PDE8A: variants seen among roughly 807,000 people sequenced by gnomAD.
The protein encoded by PDE8A is high affinity cAMP-specific and IBMX-insensitive 3',5'-cyclic phosphodiesterase 8A.
A neutral mutation model predicts 105.0 loss-of-function variants in PDE8A; 59 were observed. The observed-to-expected ratio is 0.56, with a 90% confidence interval of 0.46 to 0.70. PDE8A has a LOEUF of 0.70. Among genes scored for constraint, PDE8A ranks in the 30% least tolerant of loss-of-function variants. PDE8A has a pLI of 0.00. For synonymous variants in PDE8A, 355 were observed against 371.9 expected (o/e 0.95, Z 0.52); for missense variants, 1,014 against 1,045.9 (o/e 0.97, Z 0.42).
At chr15:85,041,760 C>G (rs2080812169) in intron 1 of PDE8A, among the ~76,000 whole-genome samples, 1 of 152,158 alleles carries the variant, frequency 6.6e-6, no homozygotes, top group Non-Finnish European at 1.5e-5. Context: ...TGGGCTGTTG[C>G]TGCTATTTGC....
chr15:85,133,866 C>G (rs1596551705), intron 20 of PDE8A, among the ~76,000 whole-genome samples: 1 of 152,206 alleles, frequency 6.6e-6, no homozygotes, highest in Non-Finnish European at 1.5e-5. Context: ...TTGTCTCTGG[C>G]TGGGGCTGCT....
intron 1 of PDE8A, among the ~76,000 whole-genome samples, chr15:85,058,647 G>C (rs2081099693): frequency 6.6e-6 from 1 of 152,074 alleles, no homozygotes; most frequent in Admixed American, 6.6e-5. Context: ...TGCGCTTCTA[G>C]GAATTTGTCC....
chr15:84,986,610 C>A (rs900165517), intron 1 of PDE8A, among the ~76,000 whole-genome samples: 8 of 119,370 alleles, frequency 6.7e-5, no homozygotes, highest in Non-Finnish European at 1.5e-4. Flanking sequence ...GTGGATTAGT[C>A]AAAACTTTTT....
intron 1 of PDE8A, among the ~76,000 whole-genome samples, chr15:85,027,352 G>T (rs1434647991): frequency 6.6e-6 from 1 of 152,192 alleles, no homozygotes; most frequent in African/African-American, 2.4e-5. Flanking sequence ...GGAAGCCCAA[G>T]AACTATTCAT....
intron 3 of PDE8A, among the ~76,000 whole-genome samples, chr15:85,071,385 C>G (rs913163705): frequency 1.3e-5 from 2 of 152,220 alleles, no homozygotes; most frequent in African/African-American, 4.8e-5. Flanking sequence ...GCCCCTGATT[C>G]TTTACTTTCT....
Position 85,113,467 on chromosome 15 carries a change from G to A in PDE8A, c.1185+20G>A. On this transcript the variant is annotated intron_variant, in intron 13 of 21. Coordinates refer to ENST00000394553, the MANE Select transcript of PDE8A (RefSeq NM_002605.3). ...ACCAAGGTGAAGCAGTTTGTGGTCT[G>A]TCTCCATTGAGCACACATACTCCTT... 1 of 1,596,224 alleles carries A rather than the reference G, an allele frequency of 6.3e-7. No homozygotes were observed. The highest frequency in any genetic ancestry group is 8.6e-7 in the Non-Finnish European group (1 of 1,163,664).
At chr15:85,009,880 C>A (rs1177116281) in intron 1 of PDE8A, among the ~76,000 whole-genome samples, 1 of 152,078 alleles carries the variant, frequency 6.6e-6, no homozygotes, top group Admixed American at 6.6e-5. Context: ...TAGAAATAAC[C>A]CCATAGTTCA....
chr15:85,096,211 G>C (rs1173862527), intron 8 of PDE8A, among the ~76,000 whole-genome samples: 2 of 152,098 alleles, frequency 1.3e-5, no homozygotes, highest in Non-Finnish European at 2.9e-5. Context: ...GATTGAATTG[G>C]TCCCTGTAAT....
chr15:85,091,605 C>G (rs1005312843), intron 8 of PDE8A, among the ~76,000 whole-genome samples: 1 of 152,180 alleles, frequency 6.6e-6, no homozygotes, highest in East Asian at 1.9e-4. Context: ...CTTCTGTTAG[C>G]CAGACACTGT....
At chr15:84,994,576 T>C (rs1292754927) in intron 1 of PDE8A, among the ~76,000 whole-genome samples, 1 of 152,210 alleles carries the variant, frequency 6.6e-6, no homozygotes, top group Admixed American at 6.5e-5. Context: ...ATGCCTGTAT[T>C]TTACATTAGC....
At chr15:85,076,809 A>G (rs2081386996) in intron 5 of PDE8A, 22 bp downstream of exon 5, 1 of 1,367,416 alleles carries the variant, frequency 7.3e-7, no homozygotes, top group Non-Finnish European at 1.0e-6. Context: ...CTTATTTGTT[A>G]TACAAGTATA....
At chr15:84,998,985 C>T (rs758851043) in intron 1 of PDE8A, among the ~76,000 whole-genome samples, 2 of 152,108 alleles carry the variant, frequency 1.3e-5, no homozygotes, top group Non-Finnish European at 2.9e-5. Context: ...GATTAGTTTT[C>T]AGACACTATG....
At chr15:85,048,221 C>A (rs2080917345) in intron 1 of PDE8A, among the ~76,000 whole-genome samples, 1 of 151,914 alleles carries the variant, frequency 6.6e-6, no homozygotes, top group East Asian at 1.9e-4. Flanking sequence ...GTTTTTAATT[C>A]CTAGTTTGCT....
At chr15:84,984,157 C>A (rs2079765628) in intron 1 of PDE8A, among the ~76,000 whole-genome samples, 1 of 152,090 alleles carries the variant, frequency 6.6e-6, no homozygotes, top group African/African-American at 2.4e-5. Flanking sequence ...ATGTAGACTT[C>A]AAAATAATAG....
intron 1 of PDE8A, among the ~76,000 whole-genome samples, chr15:85,059,614 A>G (rs928988190): frequency 6.6e-6 from 1 of 152,050 alleles, no homozygotes; most frequent in Non-Finnish European, 1.5e-5. Context: ...TTTAAAGTCT[A>G]TTTTGTCTGC....
At chr15:85,051,901 C>T (rs1238822276) in intron 1 of PDE8A, among the ~76,000 whole-genome samples, 2 of 152,000 alleles carry the variant, frequency 1.3e-5, no homozygotes, top group African/African-American at 2.4e-5. Flanking sequence ...ATACATGTGC[C>T]GTGCTGGTGT....
chr15:85,122,028 A>T (rs2082190451), intron 18 of PDE8A, among the ~76,000 whole-genome samples: 1 of 152,156 alleles, frequency 6.6e-6, no homozygotes, highest in Non-Finnish European at 1.5e-5. Context: ...TCTCTCCCTG[A>T]AGCACTCCAC....
intron 1 of PDE8A, among the ~76,000 whole-genome samples, chr15:84,992,590 G>C (rs1413405152): frequency 6.6e-6 from 1 of 152,176 alleles, no homozygotes; most frequent in Non-Finnish European, 1.5e-5. Context: ...GACAGCTAGA[G>C]GTGGGGCACT....
At chr15:85,077,919 A>G (rs1484369925) in intron 5 of PDE8A, among the ~76,000 whole-genome samples, 1 of 145,418 alleles carries the variant, frequency 6.9e-6, no homozygotes, top group Non-Finnish European at 1.5e-5. Context: ...ATGACAGGAA[A>G]TAAGTTAGAC....
Sources: allele counts gnomAD v4.1 joint callset (sites outside exome capture counted in the v4.1 genomes callset), GRCh38; gene constraint gnomAD v4.1.1; transcripts MANE v1.5; gene names NCBI Gene and HGNC (gene_info 2026-07-23, HGNC 2026-07-21).